The following FBXL7 variants were observed in gnomAD, a reference collection of about 807,000 sequenced individuals.
FBXL7 encodes F-box/LRR-repeat protein 7.
Under a neutral mutation model 38.3 loss-of-function variants are expected in FBXL7, and 12 were observed. The ratio of observed to expected loss-of-function variants is 0.31; its 90% CI spans 0.20 to 0.51. The LOEUF (loss-of-function observed/expected upper bound fraction) is 0.51. Ranked by LOEUF, FBXL7 falls within the 20% of genes least tolerant of loss-of-function variation. The pLI is 0.98. For synonymous variants in FBXL7, 297 were observed against 300.9 expected, an observed-to-expected ratio of 0.99 and a Z score of 0.13; for missense variants, 567 against 676.4, an observed-to-expected ratio of 0.84 and a Z score of 1.79.
In FBXL7 at chr5:15,939,253, G is replaced by A. The variant is rs1742281108; in HGVS notation, c.*2067G>A. 5.1e-6 allele frequency: 2 copies of A among 390,356 alleles called. No individual in the cohort carries two copies. The highest frequency in any genetic ancestry group is 4.1e-5 in the African/African-American group (2 of 48,450). 24.2% of individuals were successfully genotyped at this position (390,356 alleles called of 1,614,324 possible). ...TGAAAGCCACAGAGTTTAAAACCAT[G>A]AAAGAAGTTGAAGGCAGCATTCCTC... On this transcript the variant is annotated 3_prime_UTR_variant, in exon 4 of 4. Transcript: ENST00000504595.
chr5:15,834,064 C>T lies in FBXL7; in HGVS notation c.128-93826C>T, dbSNP rs540279001. ...ACTATAGAGCCATCTGTAAATAAAA[C>T]ATTATTGTATTTGTTAGTGTATTTT... On this transcript the variant is annotated intron_variant, in intron 2 of 3. Transcript: ENST00000504595. Among the ~76,000 whole-genome samples the T allele has an allele frequency of 3.9e-5, 6 of 152,138 alleles. No individual in the cohort carries two copies. The East Asian group carries it at 9.7e-4, about 24-fold the overall frequency.
At chr5:15,789,108 C>T (rs981885292) in intron 2 of FBXL7, among the ~76,000 whole-genome samples, 36 of 152,094 alleles carry the variant, frequency 2.4e-4, no homozygotes, top group African/African-American at 1.2e-4. Flanking sequence ...CCTTGGCCTC[C>T]CAAAGTGCTG....
At chr5:15,860,687 G>A (rs1212564730) in intron 2 of FBXL7, among the ~76,000 whole-genome samples, 1 of 152,074 alleles carries the variant, frequency 6.6e-6, no homozygotes, top group Non-Finnish European at 1.5e-5. Flanking sequence ...CATTTTCGTA[G>A]TTGTCAACAA....
intron 2 of FBXL7, among the ~76,000 whole-genome samples, chr5:15,652,501 T>C (rs1301044630): frequency 6.6e-6 from 1 of 152,118 alleles, no homozygotes; most frequent in African/African-American, 2.4e-5. Context: ...ATCCTGACCT[T>C]GTGATCCACC....
intron 1 of FBXL7, among the ~76,000 whole-genome samples, chr5:15,524,365 G>T (rs145611408): frequency 4.6e-5 from 7 of 152,236 alleles, no homozygotes; most frequent in East Asian, 1.9e-4. Context: ...TTCTTGGGGG[G>T]GCTGAAGGGC....
At chr5:15,846,020 C>T (rs1336723669) in intron 2 of FBXL7, among the ~76,000 whole-genome samples, 1 of 152,130 alleles carries the variant, frequency 6.6e-6, no homozygotes, top group African/African-American at 2.4e-5. Context: ...AAAGTCAAAG[C>T]CATCTGCCTA....
intron 1 of FBXL7, among the ~76,000 whole-genome samples, chr5:15,589,760 T>G (rs1739414055): frequency 6.6e-6 from 1 of 152,194 alleles, no homozygotes; most frequent in African/African-American, 2.4e-5. Flanking sequence ...TGTTTTTGTT[T>G]TCTGGATTCC....
intron 1 of FBXL7, among the ~76,000 whole-genome samples, chr5:15,609,917 T>C (rs1309979096): frequency 6.6e-6 from 1 of 152,152 alleles, no homozygotes; most frequent in Non-Finnish European, 1.5e-5. Context: ...CGTGAGACGG[T>C]AATTTACAAA....
intron 2 of FBXL7, among the ~76,000 whole-genome samples, chr5:15,669,340 C>A (rs562728614): frequency 6.6e-6 from 1 of 152,116 alleles, no homozygotes; most frequent in Admixed American, 6.6e-5. Flanking sequence ...CAAGAAAATG[C>A]GCTTCTCAGA....
At chr5:15,892,173 A>G (rs561754794) in intron 2 of FBXL7, among the ~76,000 whole-genome samples, 8 of 152,338 alleles carry the variant, frequency 5.3e-5, no homozygotes, top group Non-Finnish European at 1.5e-5. Context: ...GAGCCCTCCC[A>G]TATCTTGAAG....
intron 2 of FBXL7, among the ~76,000 whole-genome samples, chr5:15,872,066 C>A (rs1303704823): frequency 6.6e-6 from 1 of 152,166 alleles, no homozygotes; most frequent in African/African-American, 2.4e-5. Flanking sequence ...AAAGGGAAGT[C>A]CAGCAGACTA....
At position 15,867,078 on chromosome 5, in the gene FBXL7, C is replaced by T. The variant is rs183303971; in HGVS notation, c.128-60812C>T. Among the ~76,000 whole-genome samples, 6 of 152,234 alleles carry T rather than the reference C, an allele frequency of 3.9e-5. No individual in the cohort carries two copies. The East Asian group carries it at 1.2e-3, about 29-fold the overall frequency. On this transcript the variant is annotated intron_variant, in intron 2 of 3. Transcript: ENST00000504595. Reference sequence around the variant, plus strand: ...CACTCTACATATAAATCCTGATATTCAAATCTCTTTAATTAGAAGACCTTG... The same window carrying T: ...CACTCTACATATAAATCCTGATATTTAAATCTCTTTAATTAGAAGACCTTG...
At chr5:15,845,808 A>T (rs1419094017) in intron 2 of FBXL7, among the ~76,000 whole-genome samples, 1 of 152,058 alleles carries the variant, frequency 6.6e-6, no homozygotes. Context: ...CGTCTCTAGT[A>T]AAAATACAAA....
chr5:15,758,969 G>T (rs1736371087), intron 2 of FBXL7, among the ~76,000 whole-genome samples: 1 of 152,154 alleles, frequency 6.6e-6, no homozygotes, highest in Admixed American at 6.5e-5. Context: ...TAAAATACAT[G>T]TCTTTAGAAT....
chr5:15,657,121 A>C (rs1207860680), intron 2 of FBXL7, among the ~76,000 whole-genome samples: 1 of 152,216 alleles, frequency 6.6e-6, no homozygotes, highest in Non-Finnish European at 1.5e-5. Flanking sequence ...CCTGGATAGG[A>C]AAACTTAATG....
chr5:15,800,763 G>T (rs1343271214), intron 2 of FBXL7, among the ~76,000 whole-genome samples: 1 of 152,172 alleles, frequency 6.6e-6, no homozygotes, highest in African/African-American at 2.4e-5. Flanking sequence ...CATGTCCGGG[G>T]TGTTATCACA....
At chr5:15,844,034 C>A (rs2126786306) in intron 2 of FBXL7, among the ~76,000 whole-genome samples, 1 of 152,100 alleles carries the variant, frequency 6.6e-6, no homozygotes, top group African/African-American at 2.4e-5. Flanking sequence ...CAAAAATCTT[C>A]ATTCCTTTGA....
At chr5:15,727,697 G>C (rs890899279) in intron 2 of FBXL7, among the ~76,000 whole-genome samples, 3 of 151,896 alleles carry the variant, frequency 2.0e-5, no homozygotes, top group African/African-American at 7.3e-5. Flanking sequence ...TCTTGGTATG[G>C]GTCACTTTGA....
intron 2 of FBXL7, among the ~76,000 whole-genome samples, chr5:15,721,938 A>C (rs557355274): frequency 2.6e-5 from 4 of 152,090 alleles, no homozygotes; most frequent in Admixed American, 1.3e-4. Context: ...AGGTTCAAGC[A>C]ATTCTCCTGC....
Sources: gnomAD v4.1 joint callset for allele counts (sites outside exome capture counted in the v4.1 genomes callset) on GRCh38, gnomAD v4.1.1 for gene constraint, MANE v1.5 for transcripts, NCBI Gene and HGNC (gene_info 2026-07-23, HGNC 2026-07-21) for gene names.